NIPAL2: variants seen among roughly 807,000 people sequenced by gnomAD.
NIPAL2 encodes NIPA-like protein 2.
NIPAL2 carries 43 observed loss-of-function variants against 48.9 expected under a neutral mutation model. The ratio of observed to expected loss-of-function variants is 0.88; its 90% CI spans 0.69 to 1.13. The LOEUF (loss-of-function observed/expected upper bound fraction) is 1.13. Ranked by LOEUF, NIPAL2 falls within the 50% of genes most tolerant of loss-of-function variation. NIPAL2 has a pLI of 0.00. For missense variants in NIPAL2, 446 were observed against 461.4 expected (o/e 0.97, Z 0.31); for synonymous variants, 167 against 174.6 (o/e 0.96, Z 0.34).
At chr8:98,202,051 A>G (rs1563483781) in intron 8 of NIPAL2, among the ~76,000 whole-genome samples, 1 of 152,260 alleles carries the variant, frequency 6.6e-6, no homozygotes, top group Non-Finnish European at 1.5e-5. Context: ...TAGAAATGGT[A>G]TACTCAAATC....
chr8:98,268,546 G>A (rs536420508), intron 1 of NIPAL2, among the ~76,000 whole-genome samples: 18 of 151,262 alleles, frequency 1.2e-4, no homozygotes, highest in African/African-American at 3.4e-4. Flanking sequence ...GCTTGAACCC[G>A]AGAGGTGGAG....
At chr8:98,251,766 T>C (rs1250013975) in intron 3 of NIPAL2, 1 of 152,222 alleles carries the variant, frequency 6.6e-6, no homozygotes, top group African/African-American at 2.4e-5. Context: ...AATTTGTTTC[T>C]CTTTCAATGA....
At chr8:98,268,039 G>T (rs1209112939) in intron 1 of NIPAL2, among the ~76,000 whole-genome samples, 1 of 152,160 alleles carries the variant, frequency 6.6e-6, no homozygotes, top group South Asian at 2.1e-4. Flanking sequence ...ATTAACAGAG[G>T]TAGAGCAACC....
At chr8:98,243,117 A>T (rs1813086801) in intron 3 of NIPAL2, among the ~76,000 whole-genome samples, 1 of 152,166 alleles carries the variant, frequency 6.6e-6, no homozygotes, top group Non-Finnish European at 1.5e-5. Context: ...TGGTACCTCC[A>T]TGGAGCAGTC....
At chr8:98,277,692 T>G (rs934097627) in intron 1 of NIPAL2, among the ~76,000 whole-genome samples, 1 of 152,242 alleles carries the variant, frequency 6.6e-6, no homozygotes, top group East Asian at 1.9e-4. Flanking sequence ...TTTATATAAA[T>G]GGACTCATAT....
intron 1 of NIPAL2, among the ~76,000 whole-genome samples, chr8:98,274,839 T>C (rs1030173396): frequency 6.6e-6 from 1 of 152,132 alleles, no homozygotes; most frequent in African/African-American, 2.4e-5. Flanking sequence ...TGGTTTTCCT[T>C]TGCATCCCAA....
intron 1 of NIPAL2, among the ~76,000 whole-genome samples, chr8:98,265,276 C>G (rs1273843668): frequency 7.9e-5 from 12 of 151,610 alleles, no homozygotes; most frequent in Admixed American, 4.6e-4. Context: ...CCAAAATTGA[C>G]AAATAGGATC....
chr8:98,204,890 C>T lies in NIPAL2; in HGVS notation c.791+221G>A, dbSNP rs182712632. On this transcript the variant is annotated intron_variant, in intron 7 of 10. Transcript: ENST00000430223. Reference sequence around the variant, plus strand: ...AGTGCACTTAGCTGGATTAAGGCTGCGCTTTAGAACTCACAAGACATGAAG... The same window carrying T: ...AGTGCACTTAGCTGGATTAAGGCTGTGCTTTAGAACTCACAAGACATGAAG... 3.9e-5 allele frequency among the ~76,000 whole-genome samples: 6 copies of T among 152,042 alleles called. No homozygotes were observed. The East Asian group carries it at 9.7e-4, about 25-fold the overall frequency.
chr8:98,260,299 C>T (rs988845854), intron 1 of NIPAL2, among the ~76,000 whole-genome samples: 1 of 152,218 alleles, frequency 6.6e-6, no homozygotes, highest in Non-Finnish European at 1.5e-5. Flanking sequence ...ATAGGAACAG[C>T]TCCGGTCTAC....
At chr8:98,208,969 A>C (rs1160121519) in intron 6 of NIPAL2, among the ~76,000 whole-genome samples, 2 of 152,180 alleles carry the variant, frequency 1.3e-5, no homozygotes, top group Non-Finnish European at 1.5e-5. Context: ...TACAATATTC[A>C]AGATGAGCAC....
At chr8:98,205,555 T>C (rs1324109736) in intron 6 of NIPAL2, among the ~76,000 whole-genome samples, 1 of 151,980 alleles carries the variant, frequency 6.6e-6, no homozygotes, top group Non-Finnish European at 1.5e-5. Flanking sequence ...GAGGTTATAA[T>C]TACTAGTAGA....
chr8:98,249,112 G>A (rs753818219), intron 3 of NIPAL2, among the ~76,000 whole-genome samples: 7 of 152,140 alleles, frequency 4.6e-5, no homozygotes, highest in South Asian at 4.2e-4. Flanking sequence ...GAGACCTGGC[G>A]TACTGCATCT....
intron 1 of NIPAL2, among the ~76,000 whole-genome samples, chr8:98,285,245 T>C (rs1401331041): frequency 1.3e-5 from 2 of 152,180 alleles, no homozygotes; most frequent in East Asian, 1.9e-4. Flanking sequence ...CAAAAATCCA[T>C]AGGAGGAGGA....
chr8:98,255,141 A>T (rs1813806499), intron 1 of NIPAL2, among the ~76,000 whole-genome samples: 1 of 152,240 alleles, frequency 6.6e-6, no homozygotes, highest in South Asian at 2.1e-4. Flanking sequence ...ACCTGCTTGA[A>T]AAAATATATA....
chr8:98,227,093 G>T (rs554183112), intron 4 of NIPAL2, among the ~76,000 whole-genome samples: 2 of 151,976 alleles, frequency 1.3e-5, no homozygotes, highest in Admixed American at 6.5e-5. Context: ...AGGCCCAAAG[G>T]CTCTTCAGTC....
intron 7 of NIPAL2, among the ~76,000 whole-genome samples, chr8:98,204,088 C>T (rs1216702556): frequency 1.3e-5 from 2 of 152,064 alleles, no homozygotes; most frequent in Non-Finnish European, 2.9e-5. Context: ...ATGCAGTTTA[C>T]CCCCAATTGT....
At chr8:98,262,467 G>A (rs2130855768) in intron 1 of NIPAL2, among the ~76,000 whole-genome samples, 1 of 152,000 alleles carries the variant, frequency 6.6e-6, no homozygotes, top group East Asian at 1.9e-4. Flanking sequence ...AAAAAAGGCA[G>A]GGGGTGCAAT....
chr8:98,274,611 A>G (rs1434535193), intron 1 of NIPAL2, among the ~76,000 whole-genome samples: 1 of 151,866 alleles, frequency 6.6e-6, no homozygotes, highest in African/African-American at 2.4e-5. Flanking sequence ...TAATATAATC[A>G]CTCTTTTGAT....
intron 1 of NIPAL2, among the ~76,000 whole-genome samples, chr8:98,290,857 G>A (rs533275903): frequency 3.3e-5 from 5 of 152,222 alleles, no homozygotes; most frequent in Admixed American, 2.6e-4. Context: ...ATCATGCGGG[G>A]GAAAAGGCCC....
Sources: gnomAD v4.1 joint callset for allele counts (sites outside exome capture counted in the v4.1 genomes callset) on GRCh38, gnomAD v4.1.1 for gene constraint, MANE v1.5 for transcripts, NCBI Gene and HGNC (gene_info 2026-07-23, HGNC 2026-07-21) for gene names.